The following NRG1 variants were observed in gnomAD, a reference collection of about 807,000 sequenced individuals.
NRG1 encodes the protein pro-neuregulin-1, membrane-bound isoform.
A neutral mutation model predicts 63.8 loss-of-function variants in NRG1; 18 were observed. That is an observed-to-expected ratio of 0.28 (90% CI 0.19 to 0.42). The LOEUF (loss-of-function observed/expected upper bound fraction) is 0.42. Among genes scored for constraint, NRG1 ranks in the 10% least tolerant of loss-of-function variants. The probability of loss-of-function intolerance (pLI) is 1.00; values close to 1 mark genes in which losing one functional copy is unlikely to be tolerated. For missense variants in NRG1, 762 were observed against 814.7 expected (o/e 0.94, Z 0.79); for synonymous variants, 302 against 301.3 (o/e 1.00, Z -0.02).
At chr8:32,474,379 C>T (rs1343705112) in intron 1 of NRG1, among the ~76,000 whole-genome samples, 1 of 152,150 alleles carries the variant, frequency 6.6e-6, no homozygotes, top group African/African-American at 2.4e-5. Context: ...AGCACACTCT[C>T]TCCCATGCGG....
chr8:31,868,287 G>A (rs947472011), intron 1 of NRG1, among the ~76,000 whole-genome samples: 6 of 151,860 alleles, frequency 4.0e-5, no homozygotes, highest in Middle Eastern at 3.2e-3. Context: ...TGTATCAAAG[G>A]TCAATAAAGA....
intron 1 of NRG1, among the ~76,000 whole-genome samples, chr8:32,251,016 T>A (rs2129470287): frequency 6.6e-6 from 1 of 152,162 alleles, no homozygotes; most frequent in Non-Finnish European, 1.5e-5. Context: ...AGTTACTGCT[T>A]AGTTGAAATT....
At chr8:31,964,344 A>C (rs1254537950) in intron 1 of NRG1, among the ~76,000 whole-genome samples, 1 of 152,196 alleles carries the variant, frequency 6.6e-6, no homozygotes, top group Non-Finnish European at 1.5e-5. Flanking sequence ...TTTGAGACAA[A>C]AGCAAGCTGG....
intron 1 of NRG1, among the ~76,000 whole-genome samples, chr8:32,515,442 G>GTTTTT (rs971191147): frequency 1.4e-5 from 2 of 146,356 alleles, no homozygotes; most frequent in African/African-American, 5.0e-5. Context: ...CCTTTGCCCA[G>GTTTTT]TTTTTTTGTT....
chr8:32,009,875 C>G (rs918541164), intron 1 of NRG1, among the ~76,000 whole-genome samples: 25 of 151,892 alleles, frequency 1.6e-4, no homozygotes, highest in Non-Finnish European at 3.1e-4. Context: ...TTCTCTCCCC[C>G]CAGCCCTCCC....
chr8:32,548,859 C>CCTCCTCCTG (rs1833500370), intron 1 of NRG1, 33 bp downstream of exon 1: 6 of 1,531,888 alleles, frequency 3.9e-6, no homozygotes, highest in East Asian at 2.5e-5. Context: ...GCCCCACGAT[C>CCTCCTCCTG]CTCCTCCTGC....
chr8:32,762,694 T>C (rs1261437141), intron 11 of NRG1, among the ~76,000 whole-genome samples: 1 of 152,192 alleles, frequency 6.6e-6, no homozygotes, highest in Non-Finnish European at 1.5e-5. Context: ...CAAATTAGAC[T>C]CTGTGAATGC....
intron 1 of NRG1, among the ~76,000 whole-genome samples, chr8:31,764,863 A>T (rs916155516): frequency 6.8e-6 from 1 of 148,082 alleles, no homozygotes; most frequent in Non-Finnish European, 1.5e-5. Context: ...AGCATTAGGT[A>T]TATCTCCCAA....
At chr8:32,380,030 T>A (rs1477382540) in intron 1 of NRG1, among the ~76,000 whole-genome samples, 2 of 152,172 alleles carry the variant, frequency 1.3e-5, no homozygotes, top group African/African-American at 4.8e-5. Context: ...TTCACAGACC[T>A]ACTTCTTAAA....
chr8:31,902,627 C>T (rs532098588), intron 1 of NRG1, among the ~76,000 whole-genome samples: 7 of 151,684 alleles, frequency 4.6e-5, no homozygotes, highest in African/African-American at 9.7e-5. Flanking sequence ...GAAGAAGAAA[C>T]GTACTAATAA....
intron 1 of NRG1, among the ~76,000 whole-genome samples, chr8:32,420,893 C>T (rs1304587570): frequency 6.6e-6 from 1 of 152,176 alleles, no homozygotes; most frequent in Non-Finnish European, 1.5e-5. Flanking sequence ...CATGCTGTTC[C>T]TATGATAGTG....
In NRG1 at chr8:31,688,491, C is replaced by T. The variant is rs116764429; in HGVS notation, c.37+49060C>T. On this transcript the variant is annotated intron_variant, in intron 1 of 10. Coordinates refer to the NRG1 transcript ENST00000519301. ...CTGCTGTTTGTAAGCTACCCGTCAACGATATTGTCCTAGATCCGCCCAAAT... is the reference window on the plus strand; with the variant it reads ...CTGCTGTTTGTAAGCTACCCGTCAATGATATTGTCCTAGATCCGCCCAAAT... 4.0e-3 allele frequency among the ~76,000 whole-genome samples: 607 copies of T among 152,214 alleles called. 8 individuals are homozygous for T. Among genetic ancestry groups the T allele is most frequent in the African/African-American group, 0.014 (572 of 41,524 alleles).
chr8:32,147,932 C>A (rs1388474375), intron 1 of NRG1, among the ~76,000 whole-genome samples: 2 of 151,986 alleles, frequency 1.3e-5, no homozygotes, highest in Admixed American at 1.3e-4. Flanking sequence ...TACCCCTCTC[C>A]AAAAATAAAA....
rs756489856 is a variant in NRG1 at position 32,463,874 on chromosome 8, C to CT, written c.38-131915dup. ...ACACACACGAAAAAAACTTAGAATT[C>CT]TTTTTTTTTTTTTTTTTTTTTTTTT... On this transcript the variant is annotated intron_variant, in intron 1 of 10. Transcript: ENST00000519301. Among the ~76,000 whole-genome samples, 40 of 42,344 alleles carry CT rather than the reference C, an allele frequency of 9.4e-4. 7 individuals carry two copies. The highest frequency in any genetic ancestry group is 2.4e-3 in the African/African-American group (25 of 10,332). 27.8% of individuals were successfully genotyped at this position (42,344 alleles called of 152,430 possible). A position where few individuals can be genotyped will look rare whatever the true frequency, so the allele number is the denominator to read the frequency against.
chr8:32,626,121 G>A (rs1222819991), intron 5 of NRG1, among the ~76,000 whole-genome samples: 26 of 151,974 alleles, frequency 1.7e-4, no homozygotes, highest in Admixed American at 1.7e-3. Context: ...TAATGAAAAT[G>A]AATAGATAAT....
intron 1 of NRG1, among the ~76,000 whole-genome samples, chr8:31,979,252 C>T (rs1808684880): frequency 6.6e-6 from 1 of 152,100 alleles, no homozygotes; most frequent in Non-Finnish European, 1.5e-5. Flanking sequence ...CAGGTTCTTG[C>T]TTGTGAATGG....
intron 5 of NRG1, among the ~76,000 whole-genome samples, chr8:32,644,040 T>C (rs1464899978): frequency 6.6e-6 from 1 of 152,044 alleles, no homozygotes; most frequent in African/African-American, 2.4e-5. Context: ...TATGTGTCCA[T>C]GGCAAAATTA....
chr8:32,762,546 G>A (rs993949526), intron 11 of NRG1, among the ~76,000 whole-genome samples: 8 of 152,102 alleles, frequency 5.3e-5, no homozygotes, highest in South Asian at 2.1e-4. Flanking sequence ...AATTTCTCAG[G>A]CACGTTCCCA....
At chr8:31,908,306 G>T (rs1281265883) in intron 1 of NRG1, among the ~76,000 whole-genome samples, 1 of 152,182 alleles carries the variant, frequency 6.6e-6, no homozygotes, top group East Asian at 1.9e-4. Flanking sequence ...ACATTAGTCA[G>T]AAGTGTTGGT....
Sources: gnomAD v4.1 joint callset for allele counts (sites outside exome capture counted in the v4.1 genomes callset) on GRCh38, gnomAD v4.1.1 for gene constraint, MANE v1.5 for transcripts, NCBI Gene and HGNC (gene_info 2026-07-23, HGNC 2026-07-21) for gene names.